Variants in LPIN1 observed in about 807,000 individuals in gnomAD.
LPIN1 encodes the protein lipin 1.
LPIN1 carries 71 observed loss-of-function variants against 107.5 expected under a neutral mutation model. That is an observed-to-expected ratio of 0.66 (90% CI 0.55 to 0.80). The LOEUF is 0.80. Ranked by LOEUF, LPIN1 falls within the 30% of genes least tolerant of loss-of-function variation. LPIN1 has a pLI of 0.00. For synonymous variants in LPIN1, 445 were observed against 452.6 expected (o/e 0.98, Z 0.21); for missense variants, 1,043 against 1,160.6 (o/e 0.90, Z 1.47).
intron 16 of LPIN1, 146 bp downstream of exon 16, chr2:11,804,717 C>A: frequency 1.2e-6 from 1 of 830,234 alleles, no homozygotes; most frequent in Non-Finnish European, 2.0e-6. Context: ...GTAGTTTCAG[C>A]TCCTTGGTGG....
chr2:11,741,540 T>C (rs1666361261), intron 2 of LPIN1: 2 of 821,850 alleles, frequency 2.4e-6, no homozygotes, highest in Non-Finnish European at 3.9e-6. Context: ...GTTCCAAACA[T>C]TGCCACTCGA....
intron 18 of LPIN1, among the ~76,000 whole-genome samples, chr2:11,815,805 A>C (rs1171820181): frequency 1.3e-5 from 2 of 152,096 alleles, no homozygotes; most frequent in African/African-American, 4.8e-5. Flanking sequence ...ACCACTGGCC[A>C]GTTTCTGATT....
At chr2:11,815,366 G>A in intron 18 of LPIN1, 126 bp downstream of exon 18, 1 of 1,203,778 alleles carries the variant, frequency 8.3e-7, no homozygotes. Context: ...CTCCATAGCA[G>A]GCACCAGAAA....
rs34156190 is a variant in LPIN1 at position 11,752,433 on chromosome 2, A to ATTTTTTTTTTTTTTTTTTTTTTTTTT, written c.-10+5778_-10+5779insTTTTTTTTTTTTTTTTTTTTTTTTTT. ...TTTTCTTTTGAGCTGTTCCAAGGCC[A>ATTTTTTTTTTTTTTTTTTTTTTTTTT]TTTTTTTTTTTTTTTTGAGACGGAG... On this transcript the variant is annotated intron_variant, in intron 1 of 20. Transcript: ENST00000674199. 5.8e-5 allele frequency among the ~76,000 whole-genome samples: 6 copies of ATTTTTTTTTTTTTTTTTTTTTTTTTT among 103,866 alleles called. 1 individual carries two copies. The highest frequency in any genetic ancestry group is 3.4e-4 in the African/African-American group (6 of 17,698). The allele number at this position is 103,866 out of a possible 152,430, so 68.1% of individuals were successfully genotyped here.
At chr2:11,696,190 G>A (rs1278826841) in intron 1 of LPIN1, among the ~76,000 whole-genome samples, 12 of 127,110 alleles carry the variant, frequency 9.4e-5, no homozygotes, top group African/African-American at 2.9e-4. Flanking sequence ...CCTTACCCCC[G>A]CCCCCAAACA....
chr2:11,737,412 C>T (rs1665894475), intron 1 of LPIN1, among the ~76,000 whole-genome samples: 1 of 152,154 alleles, frequency 6.6e-6, no homozygotes, highest in African/African-American at 2.4e-5. Context: ...AGAGCTTTTG[C>T]ACAGCAAAAG....
Position 11,765,507 on chromosome 2 carries a change from T to G in LPIN1, c.-9-26T>G, listed in dbSNP as rs879574303. On this transcript the variant is annotated intron_variant, in intron 1 of 20. Transcript: ENST00000674199. This position sits in a 1 kb window ranked among gnomAD's most constrained non-coding sequence, Gnocchi z 4.4. ...TCCTTGGATTAATTGTGTGTCTGTG[T>G]GTGTTTTTTTTTGTCTGTTTTCCAG... The G allele has an allele frequency of 2.6e-6, 4 of 1,544,666 alleles. No homozygotes were observed. Among genetic ancestry groups the G allele is most frequent in the Non-Finnish European group, 2.6e-6 (3 of 1,147,286 alleles).
At chr2:11,800,132 G>C (rs558331457) in intron 14 of LPIN1, among the ~76,000 whole-genome samples, 1 of 152,214 alleles carries the variant, frequency 6.6e-6, no homozygotes, top group African/African-American at 2.4e-5. Flanking sequence ...CAAGCCCTGC[G>C]TGAGTGGGAA....
At chr2:11,724,253 C>T, upstream of LPIN1, 1 of 793,440 alleles carries the variant, frequency 1.3e-6, no homozygotes. Context: ...CTCTGAACAC[C>T]ACCAAATGCT....
At chr2:11,729,612 A>G (rs919704476) in intron 1 of LPIN1, among the ~76,000 whole-genome samples, 12 of 152,214 alleles carry the variant, frequency 7.9e-5, no homozygotes, top group Non-Finnish European at 1.8e-4. Flanking sequence ...CTTTTGCACT[A>G]TAATTAATGG....
In LPIN1 at chr2:11,707,498, T is replaced by C. The variant is rs1663183588; in HGVS notation, c.82-6258T>C. ...CCGGGGAGCACGGGAAGTTTTGAGC[T>C]GAGGAGTGGTGTGATCTAACATTCC... On this transcript the variant is annotated intron_variant, in intron 1 of 21. Transcript: ENST00000449576. This position sits in a 1 kb window ranked among gnomAD's most constrained non-coding sequence, Gnocchi z 4.2. 1.3e-5 allele frequency among the ~76,000 whole-genome samples: 2 copies of C among 152,154 alleles called. No individual in the cohort carries two copies. The highest frequency in any genetic ancestry group is 4.8e-5 in the African/African-American group (2 of 41,430).
chr2:11,706,673 G>C (rs1572357819), intron 1 of LPIN1, among the ~76,000 whole-genome samples: 1 of 152,220 alleles, frequency 6.6e-6, no homozygotes, highest in African/African-American at 2.4e-5. Flanking sequence ...CAAGGGCTTA[G>C]ATCCAATTCC....
chr2:11,768,822 G>C (rs1387350179), intron 3 of LPIN1, among the ~76,000 whole-genome samples: 2 of 152,182 alleles, frequency 1.3e-5, no homozygotes, highest in African/African-American at 4.8e-5. Context: ...TGTAGTCCCA[G>C]CTACTCCGGA....
At chr2:11,777,251 C>A (rs1195161661) in intron 6 of LPIN1, 1 of 152,184 alleles carries the variant, frequency 6.6e-6, no homozygotes, top group Non-Finnish European at 1.5e-5. Context: ...CGGCAGAAAG[C>A]GCATCTGTGT....
upstream of LPIN1, chr2:11,746,499 C>G (rs1302633102): frequency 4.0e-6 from 1 of 252,162 alleles, no homozygotes; most frequent in Non-Finnish European, 6.3e-6. Context: ...GCCAGCAGGC[C>G]CTGAAAGCAG....
At chr2:11,714,396 C>A (rs1663597363) in intron 2 of LPIN1, among the ~76,000 whole-genome samples, 1 of 152,186 alleles carries the variant, frequency 6.6e-6, no homozygotes, top group Non-Finnish European at 1.5e-5. Flanking sequence ...TCTTCCTAGA[C>A]CCCATGTTCC....
intron 1 of LPIN1, among the ~76,000 whole-genome samples, chr2:11,728,239 G>T (rs185766644): frequency 4.3e-4 from 65 of 152,280 alleles, no homozygotes; most frequent in Non-Finnish European, 8.2e-4. Context: ...ACAGTTCCGT[G>T]CTAATATTTA....
Position 11,792,023 on chromosome 2 carries a change from A to G in LPIN1, c.1806+17A>G, listed in dbSNP as rs1389545748. The stretch of plus-strand genomic sequence containing the variant: ...ATCAAGGAGGTAAGCCCAGAAGACA[A>G]AGCAGTGCTCACACTTAGCAAGTGT... On this transcript the variant is annotated intron_variant, in intron 13 of 20. Coordinates refer to ENST00000674199, the MANE Select transcript of LPIN1 (RefSeq NM_001349206.2). 3 of 1,605,840 alleles carry G rather than the reference A, an allele frequency of 1.9e-6. No homozygotes were observed. The highest frequency in any genetic ancestry group is 2.2e-5 in the South Asian group (2 of 90,770).
rs77727857 is a variant in LPIN1 at position 11,705,419 on chromosome 2, C to G, written c.82-8337C>G. On this transcript the variant is annotated intron_variant, in intron 1 of 21. Transcript: ENST00000449576. The stretch of plus-strand genomic sequence containing the variant: ...GAAGGATGCTGTCATCAGCTGAGTA[C>G]GCAAACAAATGTAAATTTGCAAACT... Among the ~76,000 whole-genome samples the G allele has an allele frequency of 1.1e-4, 17 of 152,322 alleles. No homozygotes were observed. In the South Asian group the frequency reaches 2.5e-3, roughly 22 times the overall value.
Sources: allele counts gnomAD v4.1 joint callset (sites outside exome capture counted in the v4.1 genomes callset), GRCh38; gene constraint gnomAD v4.1.1; non-coding constraint Gnocchi (gnomAD v3.1); transcripts MANE v1.5; gene names NCBI Gene and HGNC (gene_info 2026-07-23, HGNC 2026-07-21).